The following EYA2 variants were observed in gnomAD, a reference collection of about 807,000 sequenced individuals.
EYA2 encodes protein phosphatase EYA2.
Under a neutral mutation model 69.2 loss-of-function variants are expected in EYA2, and 31 were observed. The observed-to-expected ratio is 0.45, with a 90% CI of 0.34 to 0.60. EYA2 has a LOEUF of 0.60. EYA2 is among the 20% of genes least tolerant of loss of function. The pLI is 0.02. For missense variants in EYA2, 622 were observed against 701.2 expected (o/e 0.89, Z 1.28); for synonymous variants, 257 against 279.4 (o/e 0.92, Z 0.80).
At chr20:46,902,466 C>G (rs1984159664) in intron 1 of EYA2, among the ~76,000 whole-genome samples, 1 of 152,180 alleles carries the variant, frequency 6.6e-6, no homozygotes, top group South Asian at 2.1e-4. Context: ...GAAACTGAGT[C>G]TGGAGAGTAA....
At chr20:46,903,945 C>T (rs2146214293) in intron 1 of EYA2, among the ~76,000 whole-genome samples, 1 of 152,274 alleles carries the variant, frequency 6.6e-6, no homozygotes, top group African/African-American at 2.4e-5. Flanking sequence ...ATTCAATGTT[C>T]AATGAGCTAG....
chr20:47,105,624 C>CAAAAAAAAAAAAAAA lies in EYA2; in HGVS notation c.888+8458_888+8472dup. On this transcript the variant is annotated intron_variant, in intron 9 of 15. Transcript: ENST00000327619. ...TGGGCGACAGAGCAAGACTCTGTCC[C>CAAAAAAAAAAAAAAA]AAAAAAAAAAAAAAAAGGAACCTGC... 1.5e-5 allele frequency among the ~76,000 whole-genome samples: 2 copies of CAAAAAAAAAAAAAAA among 131,236 alleles called. 1 individual carries two copies. Among genetic ancestry groups the CAAAAAAAAAAAAAAA allele is most frequent in the Admixed American group, 1.6e-4 (2 of 12,760 alleles). 86.1% of individuals were successfully genotyped at this position (131,236 alleles called of 152,430 possible). A position where few individuals can be genotyped will look rare whatever the true frequency, so the allele number is the denominator to read the frequency against.
chr20:47,106,993 G>A (rs2032601298), intron 9 of EYA2, among the ~76,000 whole-genome samples: 1 of 152,082 alleles, frequency 6.6e-6, no homozygotes, highest in South Asian at 2.1e-4. Flanking sequence ...CAGTTGTCAC[G>A]GTGATGGGAG....
At chr20:46,928,028 C>T (rs572561159) in intron 1 of EYA2, among the ~76,000 whole-genome samples, 3 of 152,302 alleles carry the variant, frequency 2.0e-5, no homozygotes, top group African/African-American at 4.8e-5. Context: ...GTTTTAAGCT[C>T]TCCAACTATA....
intron 10 of EYA2, among the ~76,000 whole-genome samples, chr20:47,165,032 C>T (rs952915948): frequency 1.3e-5 from 2 of 152,180 alleles, no homozygotes; most frequent in African/African-American, 2.4e-5. Context: ...ATATCTGCAG[C>T]GTTCACTGCA....
chr20:47,113,997 A>C (rs2032822859), intron 9 of EYA2, among the ~76,000 whole-genome samples: 1 of 152,128 alleles, frequency 6.6e-6, no homozygotes. Flanking sequence ...TTGCCTTTTT[A>C]GTGACCATCC....
intron 5 of EYA2, among the ~76,000 whole-genome samples, chr20:47,031,344 C>G (rs1984402906): frequency 6.6e-6 from 1 of 152,140 alleles, no homozygotes; most frequent in Non-Finnish European, 1.5e-5. Flanking sequence ...CCATGGGGTT[C>G]TAAAACAGGG....
rs146188423 is a variant in EYA2, at chr20:46,947,567, T to C, written c.-10-42434T>C. ...TGCTGTGGTAACAAGTAACCCCAAA[T>C]CTGAGTGCCTTAAATCAACAGACAT... On this transcript the variant is annotated intron_variant, in intron 1 of 15. Coordinates refer to ENST00000327619, the MANE Select transcript of EYA2 (RefSeq NM_005244.5). Among the ~76,000 whole-genome samples, 132 of 152,298 alleles carry C rather than the reference T, an allele frequency of 8.7e-4. 1 individual carries two copies. The East Asian group carries it at 0.021, about 24-fold the overall frequency.
chr20:47,074,255 C>G lies in EYA2; in HGVS notation c.581C>G (p.Pro194Arg), dbSNP rs779848203. Residue 194 changes from proline (P) to arginine (R), a missense_variant, in exon 7 of 16, where the codon CCT (proline) becomes CGT (arginine). Physicochemically the swap from Pro to Arg is moderately radical, Grantham distance 103 (BLOSUM62 -2). This residue lies in a region of EYA2 where 365 missense variants were observed against 349.7 expected (regional missense o/e 1.04). Coordinates refer to ENST00000327619, the MANE Select transcript of EYA2 (RefSeq NM_005244.5). The part of the protein sequence containing the change: ...PPYVPASSIC[P>R]SPLSTSTYVL... ...TACGTCCCGGCCAGCAGCATCTGCC[C>G]TTCGCCCCTCTCCACGTCCACCTAC... is the stretch of plus-strand genomic sequence containing the variant. The G allele has an allele frequency of 5.6e-6, 9 of 1,614,060 alleles. No homozygotes were observed. Among genetic ancestry groups the G allele is most frequent in the Non-Finnish European group, 6.8e-6 (8 of 1,180,026 alleles).
intron 10 of EYA2, among the ~76,000 whole-genome samples, chr20:47,152,501 TA>T (rs1316318207): frequency 6.6e-6 from 1 of 150,950 alleles, no homozygotes; most frequent in African/African-American, 2.4e-5. Flanking sequence ...CTTGGATGGA[TA>T]GGGGGGCGCA....
chr20:47,161,572 T>C (rs2034066837), intron 10 of EYA2: 2 of 336,978 alleles, frequency 5.9e-6, no homozygotes, highest in South Asian at 5.0e-5. Flanking sequence ...GTCTTGCCTC[T>C]GTGAGCTCCT....
intron 2 of EYA2, among the ~76,000 whole-genome samples, chr20:46,997,364 C>A (rs1982096157): frequency 6.6e-6 from 1 of 152,166 alleles, no homozygotes; most frequent in African/African-American, 2.4e-5. Flanking sequence ...CTGTTGTAAC[C>A]CAGTTCTGAA....
chr20:46,895,871 C>T (rs1268781759), intron 1 of EYA2, among the ~76,000 whole-genome samples: 1 of 152,192 alleles, frequency 6.6e-6, no homozygotes, highest in Non-Finnish European at 1.5e-5. Context: ...ACTGGAAGCG[C>T]CTTTTGCAGT....
intron 1 of EYA2, among the ~76,000 whole-genome samples, chr20:46,895,282 A>T (rs766060197): frequency 1.1e-4 from 16 of 152,132 alleles, no homozygotes; most frequent in Non-Finnish European, 1.9e-4. Context: ...CGCGCGGGAC[A>T]AGTGCATGGC....
At chr20:47,130,245 AAAG>A (rs2033303988) in intron 9 of EYA2, among the ~76,000 whole-genome samples, 3 of 140,400 alleles carry the variant, frequency 2.1e-5, no homozygotes, top group Admixed American at 7.1e-5. Flanking sequence ...GAAAGAAATA[AAAG>A]AAGGTTTATT....
At chr20:46,925,762 G>A (rs553253319) in intron 1 of EYA2, among the ~76,000 whole-genome samples, 1 of 152,302 alleles carries the variant, frequency 6.6e-6, no homozygotes, top group East Asian at 1.9e-4. Flanking sequence ...GATTGGCGTG[G>A]CCCATCCAGA....
chr20:46,912,921 C>T (rs1344549788), intron 1 of EYA2, among the ~76,000 whole-genome samples: 1 of 151,390 alleles, frequency 6.6e-6, no homozygotes, highest in Non-Finnish European at 1.5e-5. Flanking sequence ...AGGATGGTCT[C>T]GATCTCCTGA....
At chr20:47,121,071 C>G (rs1172046536) in intron 9 of EYA2, among the ~76,000 whole-genome samples, 1 of 149,980 alleles carries the variant, frequency 6.7e-6, no homozygotes, top group Non-Finnish European at 1.5e-5. Flanking sequence ...ATTAGGAATT[C>G]AAGTTTGTTG....
chr20:47,030,869 G>A (rs898092327), intron 5 of EYA2, among the ~76,000 whole-genome samples: 7 of 152,242 alleles, frequency 4.6e-5, no homozygotes, highest in South Asian at 4.2e-4. Context: ...CGATCCTCTC[G>A]TCTCAGCCTC....
Sources: allele counts gnomAD v4.1 joint callset (sites outside exome capture counted in the v4.1 genomes callset), GRCh38; gene constraint gnomAD v4.1.1; regional missense constraint gnomAD v4.1.1; transcripts MANE v1.5; gene names NCBI Gene and HGNC (gene_info 2026-07-23, HGNC 2026-07-21).